Variants in WDR41 observed in about 807,000 individuals in gnomAD.
The protein encoded by WDR41 is WD repeat domain 41.
A neutral mutation model predicts 69.3 loss-of-function variants in WDR41; 63 were observed. The observed-to-expected ratio is 0.91, with a 90% CI of 0.74 to 1.12. WDR41 has a LOEUF of 1.12. WDR41 is among the 50% of genes most tolerant of loss of function. The pLI, the probability that WDR41 is intolerant of heterozygous loss-of-function variation, is 0.00. For missense variants in WDR41, 543 were observed against 534.5 expected (o/e 1.02, Z -0.16); for synonymous variants, 185 against 192.1 (o/e 0.96, Z 0.31).
chr5:77,576,882 T>G (rs1304907930), intron 1 of WDR41, among the ~76,000 whole-genome samples: 1 of 152,206 alleles, frequency 6.6e-6, no homozygotes, highest in African/African-American at 2.4e-5. Flanking sequence ...TTAAAGTTAT[T>G]TTTAAGATTA....
At chr5:77,573,304 T>C (rs1580017200) in intron 1 of WDR41, among the ~76,000 whole-genome samples, 1 of 152,248 alleles carries the variant, frequency 6.6e-6, no homozygotes, top group East Asian at 1.9e-4. Context: ...AGTTCTGGGA[T>C]ACATGTGCTG....
chr5:77,549,328 G>C lies in WDR41; in HGVS notation c.43-59756C>G, dbSNP rs116195107. ...ATGAGTCAAATTATCTTTCTTCACTGATGATATGATTATATACCTAGAAAA... is the reference window on the plus strand; with the variant it reads ...ATGAGTCAAATTATCTTTCTTCACTCATGATATGATTATATACCTAGAAAA... On this transcript the variant is annotated intron_variant, in intron 1 of 5. Coordinates refer to the WDR41 transcript ENST00000509971. Among the ~76,000 whole-genome samples the C allele has an allele frequency of 5.6e-3, 859 of 152,146 alleles. 6 individuals are homozygous for C. The highest frequency in any genetic ancestry group is 0.02 in the African/African-American group (826 of 41,488).
At chr5:77,489,425 C>A (rs1002526840) in intron 2 of WDR41, 32 bp downstream of exon 2, 10 of 1,369,490 alleles carry the variant, frequency 7.3e-6, no homozygotes, top group South Asian at 1.4e-5. Flanking sequence ...TCTTCCCAAA[C>A]AATAGTCAAT....
intron 1 of WDR41, among the ~76,000 whole-genome samples, chr5:77,547,936 T>A (rs1423892819): frequency 6.6e-6 from 1 of 152,074 alleles, no homozygotes; most frequent in Non-Finnish European, 1.5e-5. Context: ...AAAATAGGCA[T>A]ATAGACCAAC....
intron 1 of WDR41, among the ~76,000 whole-genome samples, chr5:77,619,855 G>T (rs879883960): frequency 2.0e-5 from 3 of 152,130 alleles, no homozygotes; most frequent in South Asian, 2.1e-4. Flanking sequence ...AATGCCAAAA[G>T]GTGCCTCTGT....
intron 1 of WDR41, among the ~76,000 whole-genome samples, chr5:77,613,579 A>T (rs1271886050): frequency 6.6e-6 from 1 of 152,184 alleles, no homozygotes; most frequent in Non-Finnish European, 1.5e-5. Flanking sequence ...TGCTGGGAAA[A>T]CTGGCTAGCC....
intron 1 of WDR41, 121 bp from the exon 2 acceptor site, chr5:77,489,693 G>C: frequency 2.0e-6 from 1 of 505,826 alleles, no homozygotes; most frequent in Non-Finnish European, 3.4e-6. Flanking sequence ...GATTTTAAAA[G>C]CCTTAAGGTA....
intron 1 of WDR41, among the ~76,000 whole-genome samples, chr5:77,501,395 G>A (rs1395356217): frequency 2.6e-5 from 4 of 152,230 alleles, no homozygotes; most frequent in East Asian, 1.9e-4. Flanking sequence ...GGCAGAGCCC[G>A]CCGCAGCTCA....
intron 1 of WDR41, among the ~76,000 whole-genome samples, chr5:77,562,496 C>G (rs139279441): frequency 6.6e-6 from 1 of 152,160 alleles, no homozygotes; most frequent in Admixed American, 6.5e-5. Context: ...TGGCAGGGAA[C>G]TAACAATCAG....
chr5:77,600,951 G>GTGTGTGTA, intron 1 of WDR41, among the ~76,000 whole-genome samples: 1 of 151,742 alleles, frequency 6.6e-6, no homozygotes. Context: ...GTGTGTGTGT[G>GTGTGTGTA]TGTGTGTGTG....
chr5:77,611,017 T>TA (rs1744537891), intron 1 of WDR41, among the ~76,000 whole-genome samples: 1 of 152,152 alleles, frequency 6.6e-6, no homozygotes, highest in Non-Finnish European at 1.5e-5. Flanking sequence ...TAGTCTCTGA[T>TA]AAAACAGACT....
At chr5:77,487,251 G>A (rs1441706954) in intron 2 of WDR41, among the ~76,000 whole-genome samples, 2 of 152,144 alleles carry the variant, frequency 1.3e-5, no homozygotes, top group Non-Finnish European at 2.9e-5. Context: ...AAGTATTAGT[G>A]ATTATAAGAA....
At chr5:77,473,113 A>G (rs984918779) in intron 2 of WDR41, among the ~76,000 whole-genome samples, 20 of 152,328 alleles carry the variant, frequency 1.3e-4, no homozygotes, top group African/African-American at 4.6e-4. Context: ...CCAATGGAAT[A>G]GAACAGAGCC....
chr5:77,441,732 A>G (rs1382875508), intron 8 of WDR41, among the ~76,000 whole-genome samples: 2 of 136,012 alleles, frequency 1.5e-5, no homozygotes, highest in Non-Finnish European at 3.0e-5. Context: ...AGCGAGACTC[A>G]GTCTAAAACA....
chr5:77,489,608 A>C (rs1184611808), intron 1 of WDR41, 36 bp from the exon 2 acceptor site: 8 of 1,277,476 alleles, frequency 6.3e-6, no homozygotes, highest in Non-Finnish European at 8.9e-6. Context: ...AAAAAACAAA[A>C]GACAAAAAAA....
chr5:77,607,128 G>A (rs141798243), intron 1 of WDR41, among the ~76,000 whole-genome samples: 3 of 152,050 alleles, frequency 2.0e-5, no homozygotes, highest in Non-Finnish European at 4.4e-5. Flanking sequence ...CTCTGAATTA[G>A]GATAAGAGTA....
At chr5:77,581,273 T>A (rs930510238) in intron 1 of WDR41, among the ~76,000 whole-genome samples, 1 of 152,180 alleles carries the variant, frequency 6.6e-6, no homozygotes, top group African/African-American at 2.4e-5. Flanking sequence ...GAGGGACATT[T>A]TATAATGATA....
chr5:77,500,666 C>T (rs1004502311), intron 1 of WDR41, among the ~76,000 whole-genome samples: 2 of 152,082 alleles, frequency 1.3e-5, no homozygotes, highest in Non-Finnish European at 2.9e-5. Context: ...TAACCATTTA[C>T]AAAATTGAAT....
chr5:77,542,450 A>T (rs547453593), intron 1 of WDR41, among the ~76,000 whole-genome samples: 9 of 152,336 alleles, frequency 5.9e-5, no homozygotes, highest in East Asian at 3.9e-4. Context: ...GTTGGAAATT[A>T]AAAAAGGGAT....
Sources: allele counts gnomAD v4.1 joint callset (sites outside exome capture counted in the v4.1 genomes callset), GRCh38; gene constraint gnomAD v4.1.1; transcripts MANE v1.5; gene names NCBI Gene and HGNC (gene_info 2026-07-23, HGNC 2026-07-21).